The following CLEC4C variants were observed in gnomAD, a reference collection of about 807,000 sequenced individuals.
CLEC4C encodes the protein C-type (calcium dependent, carbohydrate-recognition domain) lectin, superfamily member 11.
In CLEC4C, 17 loss-of-function variants were observed where a neutral mutation model predicts 27.7. The observed-to-expected ratio is 0.61, with a 90% CI of 0.42 to 0.92. The LOEUF is 0.92. Among genes scored for constraint, CLEC4C ranks in the 40% least tolerant of loss-of-function variants. The probability of loss-of-function intolerance (pLI) is 0.00; values close to 1 mark genes in which losing one functional copy is unlikely to be tolerated. For synonymous variants in CLEC4C, 80 were observed against 80.8 expected (o/e 0.99, Z 0.06); for missense variants, 244 against 257.3 (o/e 0.95, Z 0.35).
At chr12:7,747,521 G>A (rs190300798), upstream of CLEC4C, 2 of 561,770 alleles carry the variant, frequency 3.6e-6, no homozygotes, top group Admixed American at 2.9e-5. Flanking sequence ...AGACTCTGCA[G>A]TGAGCTAAAG....
Position 7,745,936 on chromosome 12 carries a change from C to T in CLEC4C, c.124+395G>A, listed in dbSNP as rs761107882. ...TTTATGTCAAGAAAGGGGAACGTGGCCGGGCGCGGTGGCTCACACCTGTAA... is the reference window on the plus strand; with the variant it reads ...TTTATGTCAAGAAAGGGGAACGTGGTCGGGCGCGGTGGCTCACACCTGTAA... On this transcript the variant is annotated intron_variant, in intron 2 of 5. Transcript: ENST00000360345. Among the ~76,000 whole-genome samples, 39 of 151,804 alleles carry T rather than the reference C, an allele frequency of 2.6e-4. No homozygotes were observed. In the East Asian group the frequency reaches 7.3e-3, roughly 28 times the overall value.
intron 4 of CLEC4C, 70 bp downstream of exon 4, chr12:7,737,359 C>T: frequency 9.9e-7 from 1 of 1,009,476 alleles, no homozygotes; most frequent in South Asian, 2.8e-5. Context: ...ACTTTCAGGG[C>T]AATAAAAAGA....
intron 1 of CLEC4C, among the ~76,000 whole-genome samples, chr12:7,746,854 C>T (rs920957533): frequency 6.6e-6 from 1 of 151,010 alleles, no homozygotes; most frequent in Non-Finnish European, 1.5e-5. Context: ...GATGGAGTTT[C>T]ACTCCTGTTG....
At position 7,737,847 on chromosome 12, in the gene CLEC4C, G is replaced by A. The variant is rs148602856; in HGVS notation, c.236-273C>T. ...GTTGCAACTGCTTAACTCTGCTACT[G>A]CAGTACGAAAGCAACCACTGGCAAT... On this transcript the variant is annotated intron_variant, in intron 3 of 5. Transcript: ENST00000360345. Among the ~76,000 whole-genome samples, 10 of 151,970 alleles carry A rather than the reference G, an allele frequency of 6.6e-5. No homozygotes were observed. The East Asian group carries it at 9.7e-4, about 15-fold the overall frequency.
At position 7,729,504 on chromosome 12, in the gene CLEC4C, T is replaced by C; in HGVS notation, c.*92A>G. The C allele has an allele frequency of 1.6e-6, 2 of 1,213,672 alleles. No individual in the cohort carries two copies. Among genetic ancestry groups the C allele is most frequent in the Non-Finnish European group, 2.3e-6 (2 of 854,880 alleles). The allele number at this position is 1,213,672 out of a possible 1,614,324, so 75.2% of individuals were successfully genotyped here. A position where few individuals can be genotyped will look rare whatever the true frequency, so the allele number is the denominator to read the frequency against. ...GCTGAAACATTTTAGGGGCATTCCT[T>C]GTACAAAACTTACACATAAATTAAA... On this transcript the variant is annotated 3_prime_UTR_variant, in exon 6 of 6. Coordinates refer to ENST00000360345, the MANE Select transcript of CLEC4C (RefSeq NM_001371390.1).
chr12:7,735,982 G>A, intron 4 of CLEC4C, among the ~76,000 whole-genome samples: 1 of 151,540 alleles, frequency 6.6e-6, no homozygotes, highest in Admixed American at 6.6e-5. Context: ...CATAGTTGAA[G>A]AAGATTAGTC....
chr12:7,748,475 G>A (rs746866894), upstream of CLEC4C, among the ~76,000 whole-genome samples: 83 of 152,056 alleles, frequency 5.5e-4, no homozygotes, highest in African/African-American at 1.9e-3. Flanking sequence ...ACAGTGAGCC[G>A]AGATCGTGCC....
chr12:7,738,703 C>T (rs868807311), intron 3 of CLEC4C, among the ~76,000 whole-genome samples: 1 of 152,018 alleles, frequency 6.6e-6, no homozygotes, highest in African/African-American at 2.4e-5. Flanking sequence ...AGTCTTGCTT[C>T]GTTGCCCAGG....
chr12:7,746,042 C>T (rs996930348), intron 2 of CLEC4C, among the ~76,000 whole-genome samples: 2 of 150,888 alleles, frequency 1.3e-5, no homozygotes, highest in African/African-American at 4.9e-5. Context: ...AGTGAAAACC[C>T]GTCTCTACTA....
chr12:7,746,492 C>A, intron 1 of CLEC4C, 69 bp from the exon 2 acceptor site: 1 of 960,174 alleles, frequency 1.0e-6, no homozygotes, highest in Non-Finnish European at 1.6e-6. Flanking sequence ...ACCAGAGTCC[C>A]AAAAATCTTA....
upstream of CLEC4C, among the ~76,000 whole-genome samples, chr12:7,748,501 G>T (rs746114414): frequency 3.3e-5 from 5 of 151,996 alleles, no homozygotes; most frequent in East Asian, 9.7e-4. Flanking sequence ...ACTCCACCCT[G>T]GGTGACAGAG....
Position 7,747,370 on chromosome 12 carries a change from G to C in CLEC4C, c.-22C>G. 1.2e-6 allele frequency: 2 copies of C among 1,613,630 alleles called. No individual in the cohort carries two copies. Among genetic ancestry groups the C allele is most frequent in the Non-Finnish European group, 1.7e-6 (2 of 1,179,748 alleles). Reference sequence around the variant, plus strand: ...CCATTGTGTGTGCGCACACCCTTTGGACTTCCTCTATCAGGTGGGTGCAGA... The same window carrying C: ...CCATTGTGTGTGCGCACACCCTTTGCACTTCCTCTATCAGGTGGGTGCAGA... On this transcript the variant is annotated 5_prime_UTR_variant, in exon 1 of 6. Transcript: ENST00000360345.
In CLEC4C at chr12:7,746,228, A is replaced by AAG. The variant is rs1555106388; in HGVS notation, c.124+102_124+103insCT. On this transcript the variant is annotated intron_variant, in intron 2 of 5. Transcript: ENST00000360345. ...GATTCCGTCTCAAAAAAAAAAAAAA[A>AAG]AAAAAGAAAAAAAAAGAAAGAGGAA... 641 of 569,438 alleles carry AAG rather than the reference A, an allele frequency of 1.1e-3. 2 individuals carry two copies. The highest frequency in any genetic ancestry group is 1.4e-3 in the Admixed American group (42 of 29,592). 35.3% of individuals were successfully genotyped at this position (569,438 alleles called of 1,614,324 possible).
intron 2 of CLEC4C, 82 bp downstream of exon 2, chr12:7,746,249 A>T: frequency 1.7e-5 from 13 of 752,508 alleles, no homozygotes; most frequent in Non-Finnish European, 2.5e-5. Context: ...AAAAAGAAAG[A>T]GGAACGTGTT....
chr12:7,729,616 T>A lies in CLEC4C; in HGVS notation c.622A>T (p.Met208Leu). 6.2e-7 allele frequency: 1 copy of A among 1,613,998 alleles called. No homozygotes were observed. Among genetic ancestry groups the A allele is most frequent in the East Asian group, 2.2e-5 (1 of 44,886 alleles). The change falls in exon 6 of 6, where the codon ATG becomes TTG. Residue 208 changes from methionine (M) to leucine (L), a missense_variant. Met to Leu is a conservative substitution (Grantham distance 15). Transcript: ENST00000360345. The part of the protein sequence containing the change: ...CHVPQKSICK[M>L]KKIYI ...TTCATTTATATGTAGATCTTCTTCA[T>A]CTTGCAAATTGACTTCTGAGGTACA...
At chr12:7,737,037 CCTGA>C (rs1231134531) in intron 4 of CLEC4C, among the ~76,000 whole-genome samples, 1 of 152,076 alleles carries the variant, frequency 6.6e-6, no homozygotes, top group Non-Finnish European at 1.5e-5. Flanking sequence ...TCAAGATCAG[CCTGA>C]CTAACATGGT....
rs560380492 is a variant in CLEC4C at position 7,732,487 on chromosome 12, G to A, written c.382-1575C>T. Among the ~76,000 whole-genome samples, 234 of 151,098 alleles carry A rather than the reference G, an allele frequency of 1.5e-3. 1 individual carries two copies. Among genetic ancestry groups the A allele is most frequent in the African/African-American group, 5.2e-3 (215 of 41,032 alleles). The stretch of plus-strand genomic sequence containing the variant: ...CTGCCTCAGGCTCCAGAGTAGCTGG[G>A]ATTACACGCACGAGCCACCATGCCC... On this transcript the variant is annotated intron_variant, in intron 4 of 5. Transcript: ENST00000360345.
rs1319057239 is a variant in CLEC4C, at chr12:7,747,313, C to T, written c.31+5G>A. The T allele has an allele frequency of 6.2e-7, 1 of 1,613,934 alleles. No homozygotes were observed. Among genetic ancestry groups the T allele is most frequent in the African/African-American group, 1.3e-5 (1 of 74,910 alleles). On this transcript the variant is annotated splice_donor_5th_base_variant and intron_variant, in intron 1 of 5. Coordinates refer to ENST00000360345, the MANE Select transcript of CLEC4C (RefSeq NM_001371390.1). ...TTCCCTAGAACTGAGAAGATGAGTG[C>T]TTACCTCGGTCTTGAGGCTCTTCTT...
At chr12:7,731,697 C>T (rs1233363808) in intron 4 of CLEC4C, among the ~76,000 whole-genome samples, 1 of 152,192 alleles carries the variant, frequency 6.6e-6, no homozygotes, top group Non-Finnish European at 1.5e-5. Context: ...CACGCTCTAG[C>T]CATGGCCATC....
Sources: allele counts gnomAD v4.1 joint callset (sites outside exome capture counted in the v4.1 genomes callset), GRCh38; gene constraint gnomAD v4.1.1; transcripts MANE v1.5; gene names NCBI Gene and HGNC (gene_info 2026-07-23, HGNC 2026-07-21).